Variants in TBCB observed in about 807,000 individuals in gnomAD.
TBCB encodes the protein tubulin folding cofactor B.
In TBCB, 18 loss-of-function variants were observed where a neutral mutation model predicts 29.2. That is an observed-to-expected ratio of 0.62 (90% CI 0.43 to 0.91). The LOEUF (loss-of-function observed/expected upper bound fraction) is 0.91. Ranked by LOEUF, TBCB falls within the 40% of genes least tolerant of loss-of-function variation. TBCB has a pLI of 0.00. For synonymous variants in TBCB, 172 were observed against 137.8 expected, an observed-to-expected ratio of 1.25 and a Z score of -1.74; for missense variants, 336 against 337.6, an observed-to-expected ratio of 1.00 and a Z score of 0.04.
intron 2 of TBCB, among the ~76,000 whole-genome samples, chr19:36,118,277 A>G (rs112419799): frequency 7.4e-4 from 112 of 152,310 alleles, no homozygotes; most frequent in African/African-American, 2.5e-3. Flanking sequence ...GTGAAGGGTC[A>G]GGGGAGACAA....
chr19:36,120,262 C>T (rs1295928343), intron 2 of TBCB, among the ~76,000 whole-genome samples: 2 of 152,142 alleles, frequency 1.3e-5, no homozygotes, highest in Non-Finnish European at 2.9e-5. Flanking sequence ...CCCAGCTGGG[C>T]CCCTGGGAGC....
intron 4 of TBCB, among the ~76,000 whole-genome samples, chr19:36,122,399 T>G (rs367941648): frequency 2.6e-5 from 4 of 151,432 alleles, no homozygotes; most frequent in East Asian, 3.9e-4. Context: ...GAGCTATGAT[T>G]GTGTCATTGC....
intron 2 of TBCB, among the ~76,000 whole-genome samples, chr19:36,119,494 C>T (rs536999466): frequency 2.8e-4 from 43 of 152,322 alleles, no homozygotes; most frequent in African/African-American, 8.2e-4. Context: ...CTGGCCTCCC[C>T]GCTCCCCATC....
intron 2 of TBCB, among the ~76,000 whole-genome samples, chr19:36,120,312 G>A (rs966510179): frequency 4.6e-5 from 7 of 152,188 alleles, no homozygotes; most frequent in African/African-American, 1.7e-4. Flanking sequence ...GGGCAGAACA[G>A]GAAGAGATGC....
At position 36,125,846 on chromosome 19, in the gene TBCB, C is replaced by A; in HGVS notation, c.*64C>A. ...CACTGACTGCCCCTCCTGTGTGTGCCCATGGCCCTTTTCTCCTGACCCCAT... is the reference window on the plus strand; with the variant it reads ...CACTGACTGCCCCTCCTGTGTGTGCACATGGCCCTTTTCTCCTGACCCCAT... On this transcript the variant is annotated 3_prime_UTR_variant, in exon 6 of 6. Coordinates refer to ENST00000221855, the MANE Select transcript of TBCB (RefSeq NM_001281.3). The A allele has an allele frequency of 1.6e-6, 2 of 1,224,782 alleles. No homozygotes were observed. Among genetic ancestry groups the A allele is most frequent in the Non-Finnish European group, 2.2e-6 (2 of 906,578 alleles). The allele number at this position is 1,224,782 out of a possible 1,614,324, so 75.9% of individuals were successfully genotyped here.
In TBCB at chr19:36,116,040, G is replaced by A; in HGVS notation, c.115-1G>A. On this transcript the variant is annotated splice_acceptor_variant, in intron 1 of 5. Coordinates refer to ENST00000221855, the MANE Select transcript of TBCB (RefSeq NM_001281.3). LOFTEE classifies it high-confidence loss of function. ...CTTCTCACCCTGCCTCCTCCTCACA[G>A]TGTAAACTGGAGTTGCTGGTGGGCA... The A allele has an allele frequency of 1.9e-6, 3 of 1,613,876 alleles. No homozygotes were observed. The highest frequency in any genetic ancestry group is 2.5e-6 in the Non-Finnish European group (3 of 1,179,766).
intron 2 of TBCB, among the ~76,000 whole-genome samples, chr19:36,118,185 G>A (rs1314042121): frequency 6.6e-6 from 1 of 152,158 alleles, no homozygotes; most frequent in Non-Finnish European, 1.5e-5. Context: ...CATCTGTGTT[G>A]TGCCAGGGGT....
intron 3 of TBCB, 85 bp downstream of exon 3, chr19:36,120,891 C>T (rs550798736): frequency 7.9e-4 from 1,036 of 1,316,294 alleles, no homozygotes; most frequent in Non-Finnish European, 1.1e-3. Context: ...GACAGGGCCC[C>T]TGCAGGGAGG....
Position 36,125,523 on chromosome 19 carries a change from G to T in TBCB, c.620G>T (p.Ser207Ile). Residue 207 changes from serine to isoleucine, a missense_variant and splice_region_variant, in exon 5 of 6, where the codon AGT becomes ATT. Physicochemically the swap from Ser to Ile is moderately radical, Grantham distance 142. Coordinates refer to ENST00000221855, the MANE Select transcript of TBCB (RefSeq NM_001281.3). The stretch of plus-strand genomic sequence containing the variant: ...GAGCCACTGGGGAAAAATGATGGCA[G>T]GTAACAAGAATTCCCACTCAGGTGT... Reference protein sequence around the residue: ...YDEPLGKNDGSVNGKRYFECQ... With the variant: ...YDEPLGKNDGIVNGKRYFECQ... The T allele has an allele frequency of 6.2e-7, 1 of 1,614,174 alleles. No homozygotes were observed. The highest frequency in any genetic ancestry group is 8.5e-7 in the Non-Finnish European group (1 of 1,180,006).
chr19:36,120,510 A>C, intron 2 of TBCB, 200 bp from the exon 3 acceptor site: 1 of 560,438 alleles, frequency 1.8e-6, no homozygotes, highest in East Asian at 3.0e-5. Context: ...GGGAGCTTGG[A>C]TGGGGGTGAG....
upstream of TBCB, chr19:36,115,160 G>A (rs1973922629): frequency 1.8e-6 from 1 of 567,534 alleles, no homozygotes; most frequent in African/African-American, 1.9e-5. Context: ...AAAACACTGA[G>A]CATCCAGGAC....
At position 36,115,521 on chromosome 19, in the gene TBCB, CG is replaced by C; in HGVS notation, c.-38del. 6.7e-7 allele frequency: 1 copy of C among 1,496,466 alleles called. No individual in the cohort carries two copies. Among genetic ancestry groups the C allele is most frequent in the Non-Finnish European group, 9.1e-7 (1 of 1,098,088 alleles). The allele number at this position is 1,496,466 out of a possible 1,614,324, so 92.7% of individuals were successfully genotyped here. On this transcript the variant is annotated 5_prime_UTR_variant, in exon 1 of 6. Coordinates refer to ENST00000221855, the MANE Select transcript of TBCB (RefSeq NM_001281.3). ...CGGCGGCTGCGGAGCGGGTGTGAGG[CG>C]GCTGGACCGCGCTGCAGGCATCCGC...
intron 4 of TBCB, chr19:36,122,115 A>G: frequency 3.5e-6 from 1 of 287,764 alleles, no homozygotes; most frequent in Non-Finnish European, 6.7e-6. Flanking sequence ...GAAGGAAAGG[A>G]GGCAGCAGCC....
rs151215211 is a variant in TBCB, at chr19:36,116,115, C to G, written c.189C>G (p.Phe63Leu). The change falls in exon 2 of 6, where the codon TTC becomes TTG. Residue 63 changes from phenylalanine (F) to leucine (L), a missense_variant. By Grantham distance (22) the Phe-to-Leu change is conservative. Coordinates refer to ENST00000221855, the MANE Select transcript of TBCB (RefSeq NM_001281.3). ...ELELYGVDDK[F>L]YSKLDQEDAL... ...AGCTGTATGGAGTTGACGACAAGTTCTACAGCAAGCTGGATCAAGAGGATG... is the reference window on the plus strand; with the variant it reads ...AGCTGTATGGAGTTGACGACAAGTTGTACAGCAAGCTGGATCAAGAGGATG... 1.2e-6 allele frequency: 2 copies of G among 1,614,186 alleles called. No individual in the cohort carries two copies. Among genetic ancestry groups the G allele is most frequent in the Admixed American group, 1.7e-5 (1 of 60,020 alleles).
chr19:36,120,840 G>A (rs1320665516), intron 3 of TBCB, 34 bp downstream of exon 3: 25 of 1,605,170 alleles, frequency 1.6e-5, no homozygotes, highest in Non-Finnish European at 1.9e-5. Context: ...GGTGCGTGGG[G>A]GCCAGAGGGA....
At position 36,121,578 on chromosome 19, in the gene TBCB, A is replaced by G. The variant is rs745664823; in HGVS notation, c.407A>G (p.Glu136Gly). The change falls in exon 4 of 6, where the codon GAG becomes GGG. Residue 136 changes from glutamate (E) to glycine (G), a missense_variant. Transcript: ENST00000221855. ...AGCAAGCTCGGCCGGTACAACGAGG[A>G]GGAGCGGGCTCAGCAGGAGGCCGAG... ...KRSKLGRYNE[E>G]ERAQQEAEAA... is the part of the protein sequence containing the mutation. 9 of 1,558,482 alleles carry G rather than the reference A, an allele frequency of 5.8e-6. No individual in the cohort carries two copies. In the African/African-American group the frequency reaches 1.2e-4, roughly 21 times the overall value.
At chr19:36,125,553 G>A in intron 5 of TBCB, 30 bp downstream of exon 5, 2 of 1,613,644 alleles carry the variant, frequency 1.2e-6, no homozygotes, top group South Asian at 1.1e-5. Flanking sequence ...AGGTGTCTGT[G>A]TGTGCATTTG....
At chr19:36,120,962 G>A (rs1185198845) in intron 3 of TBCB, among the ~76,000 whole-genome samples, 156 bp downstream of exon 3, 1 of 151,770 alleles carries the variant, frequency 6.6e-6, no homozygotes, top group Non-Finnish European at 1.5e-5. Context: ...CTGGGAGTGG[G>A]GACAGACGGA....
chr19:36,115,324 A>T (rs1001269753), upstream of TBCB: 8 of 561,702 alleles, frequency 1.4e-5, no homozygotes, highest in Non-Finnish European at 1.3e-5. Flanking sequence ...AGAACCGTGA[A>T]CTATGGAAGG....
Sources: gnomAD v4.1 joint callset for allele counts (sites outside exome capture counted in the v4.1 genomes callset) on GRCh38, gnomAD v4.1.1 for gene constraint, MANE v1.5 for transcripts, NCBI Gene and HGNC (gene_info 2026-07-23, HGNC 2026-07-21) for gene names.